Variants in MTCL1 observed in about 807,000 individuals in gnomAD.
MTCL1 encodes microtubule crosslinking factor 1.
MTCL1 carries 79 observed loss-of-function variants against 141.4 expected under a neutral mutation model. The observed-to-expected ratio is 0.56, with a 90% CI of 0.47 to 0.67. The LOEUF is 0.67. Ranked by LOEUF, MTCL1 falls within the 30% of genes least tolerant of loss-of-function variation. MTCL1 has a pLI of 0.00. For missense variants in MTCL1, 2,177 were observed against 2,113.9 expected, an observed-to-expected ratio of 1.03 and a Z score of -0.59; for synonymous variants, 914 against 875.8, an observed-to-expected ratio of 1.04 and a Z score of -0.77.
At chr18:8,711,311 C>T (rs79255391) in intron 1 of MTCL1, among the ~76,000 whole-genome samples, 1 of 145,232 alleles carries the variant, frequency 6.9e-6, no homozygotes, top group South Asian at 2.3e-4. Context: ...TGGGTTGGTT[C>T]CAAGTCTTTG....
chr18:8,782,149 C>T (rs12606001), intron 5 of MTCL1: 67,060 of 152,022 alleles, frequency 0.44, 15,180 homozygotes, highest in Admixed American at 0.58. Context: ...AGTGTAAAAG[C>T]TGCATTGTGA....
intron 1 of MTCL1, among the ~76,000 whole-genome samples, chr18:8,709,943 A>T (rs2096077648): frequency 6.6e-6 from 1 of 152,048 alleles, no homozygotes; most frequent in East Asian, 1.9e-4. Context: ...AGATTCAAGC[A>T]GTTCTCCTGC....
intron 4 of MTCL1, among the ~76,000 whole-genome samples, chr18:8,745,489 T>C (rs764372552): frequency 2.6e-5 from 4 of 152,246 alleles, no homozygotes; most frequent in African/African-American, 4.8e-5. Context: ...TCATTTTTAC[T>C]GTTCTTTATC....
chr18:8,712,895 A>T (rs1567923623), upstream of MTCL1, among the ~76,000 whole-genome samples: 1 of 152,198 alleles, frequency 6.6e-6, no homozygotes, highest in Non-Finnish European at 1.5e-5. Flanking sequence ...GGGTCTATTT[A>T]AAGAGGAGGT....
chr18:8,796,553 T>G (rs540278), intron 9 of MTCL1, 91 bp downstream of exon 8: 71,832 of 1,226,950 alleles, frequency 0.059, 2,509 homozygotes, highest in East Asian at 0.14. Flanking sequence ...CACACAGTCA[T>G]GTTCTATTAT....
intron 4 of MTCL1, among the ~76,000 whole-genome samples, chr18:8,776,393 A>T (rs945387110): frequency 6.6e-6 from 1 of 152,140 alleles, no homozygotes; most frequent in Non-Finnish European, 1.5e-5. Context: ...TTCCCTTTGC[A>T]GGAGCTGGCA....
At chr18:8,774,288 G>C (rs1444861540) in intron 4 of MTCL1, among the ~76,000 whole-genome samples, 1 of 130,390 alleles carries the variant, frequency 7.7e-6, no homozygotes, top group African/African-American at 2.9e-5. Context: ...TTTTTTTTAA[G>C]GAATTTGGTT....
At chr18:8,780,399 G>A (rs1289310721) in intron 5 of MTCL1, among the ~76,000 whole-genome samples, 2 of 152,240 alleles carry the variant, frequency 1.3e-5, no homozygotes, top group African/African-American at 4.8e-5. Context: ...ACAGCAGGCG[G>A]CCCTGCCCCC....
chr18:8,799,076 A>T (rs495112), intron 10 of MTCL1, among the ~76,000 whole-genome samples: 95,913 of 152,130 alleles, frequency 0.63, 30,964 homozygotes, highest in Admixed American at 0.73. Context: ...GCCTGCGTTC[A>T]GGGCTGAGGG....
At chr18:8,716,882 T>C (rs1242784900), upstream of MTCL1, among the ~76,000 whole-genome samples, 1 of 152,206 alleles carries the variant, frequency 6.6e-6, no homozygotes. Context: ...TTAATCTTCC[T>C]CCTTCCAAAT....
At chr18:8,724,163 A>C (rs1156509225) in intron 4 of MTCL1, among the ~76,000 whole-genome samples, 1 of 152,110 alleles carries the variant, frequency 6.6e-6, no homozygotes, top group Non-Finnish European at 1.5e-5. Flanking sequence ...TAACCTCAGC[A>C]CTTTGGGAGG....
chr18:8,773,200 C>G (rs2096491964), intron 4 of MTCL1, among the ~76,000 whole-genome samples: 1 of 151,974 alleles, frequency 6.6e-6, no homozygotes, highest in African/African-American at 2.4e-5. Context: ...GGAATTACAC[C>G]TCTCAACCTA....
At position 8,830,650 on chromosome 18, in the gene MTCL1, C is replaced by T; in HGVS notation, c.*19-957C>T. ...TTGAGGGTCCTTGTTCTCTGTCATC[C>T]TTCCTGTGCCTTCCATTCAGTTCAC... On this transcript the variant is annotated intron_variant, in intron 16 of 16. Coordinates refer to ENST00000359865, the Ensembl canonical transcript of MTCL1. This position sits in a 1 kb window ranked among gnomAD's most constrained non-coding sequence, Gnocchi z 6.4. The T allele has an allele frequency of 1.0e-6, 1 of 985,564 alleles. No homozygotes were observed. The highest frequency in any genetic ancestry group is 1.2e-6 in the Non-Finnish European group (1 of 830,010). The allele number at this position is 985,564 out of a possible 1,614,324, so 61.1% of individuals were successfully genotyped here.
At chr18:8,813,037 G>A in exon 12 of MTCL1, 1 of 1,614,198 alleles carries the variant, frequency 6.2e-7, no homozygotes, top group Non-Finnish European at 8.5e-7. Context: ...GAGAGCAAGG[G>A]GGCCTTGAAG....
At chr18:8,714,952 A>G (rs573254137), upstream of MTCL1, among the ~76,000 whole-genome samples, 7 of 152,112 alleles carry the variant, frequency 4.6e-5, no homozygotes, top group Non-Finnish European at 4.4e-5. Flanking sequence ...GCCCGCCACC[A>G]CGCCTGGCTA....
In MTCL1 at chr18:8,826,346, T is replaced by G. The variant is rs1187171127; in HGVS notation, c.4722+114T>G. On this transcript the variant is annotated intron_variant, in intron 15 of 16. Coordinates refer to ENST00000359865, the Ensembl canonical transcript of MTCL1. Reference sequence around the variant, plus strand: ...ATTTGATCTCAGGAATCGTCCATGATTGGTTATTGGGAGCTGGGGAGGTGT... The same window carrying G: ...ATTTGATCTCAGGAATCGTCCATGAGTGGTTATTGGGAGCTGGGGAGGTGT... 4 of 1,058,828 alleles carry G rather than the reference T, an allele frequency of 3.8e-6. No individual in the cohort carries two copies. In the African/African-American group the frequency reaches 6.4e-5, roughly 17 times the overall value. 65.6% of individuals were successfully genotyped at this position (1,058,828 alleles called of 1,614,324 possible).
At chr18:8,826,101 G>C (rs758672589) in exon 15 of MTCL1, 7 of 1,612,206 alleles carry the variant, frequency 4.3e-6, no homozygotes, top group Non-Finnish European at 5.1e-6. Flanking sequence ...TGAGAACGTG[G>C]CCCGGATCCT....
upstream of MTCL1, among the ~76,000 whole-genome samples, chr18:8,713,074 A>G (rs2096104203): frequency 6.6e-6 from 1 of 152,216 alleles, no homozygotes. Flanking sequence ...TCATTAAAAC[A>G]TATAATTTTA....
At position 8,830,288 on chromosome 18, in the gene MTCL1, G is replaced by T. The variant is rs1227357758; in HGVS notation, c.*19-1319G>T. 1 of 985,348 alleles carries T rather than the reference G, an allele frequency of 1.0e-6. No individual in the cohort carries two copies. The highest frequency in any genetic ancestry group is 6.1e-5 in the Admixed American group (1 of 16,268). 61.0% of individuals were successfully genotyped at this position (985,348 alleles called of 1,614,324 possible). ...TTAGCATAATGCTTTGGGAACAGAA[G>T]CTTCTCCCTGTGGCCGTATGAAGTT... On this transcript the variant is annotated intron_variant, in intron 16 of 16. Coordinates refer to ENST00000359865, the Ensembl canonical transcript of MTCL1. The surrounding 1 kb of genome is among the most constrained non-coding windows in gnomAD (Gnocchi z 6.4).
Sources: gnomAD v4.1 joint callset for allele counts (sites outside exome capture counted in the v4.1 genomes callset) on GRCh38, gnomAD v4.1.1 for gene constraint, Gnocchi (gnomAD v3.1) non-coding constraint, MANE v1.5 for transcripts, NCBI Gene and HGNC (gene_info 2026-07-23, HGNC 2026-07-21) for gene names.